Variants in PARP4 observed in about 807,000 individuals in gnomAD.
PARP4 encodes the protein poly(ADP-ribose) polymerase family member 4.
A neutral mutation model predicts 187.7 loss-of-function variants in PARP4; 120 were observed. The observed-to-expected ratio is 0.64, with a 90% CI of 0.55 to 0.74. PARP4 has a LOEUF of 0.74. Among genes scored for constraint, PARP4 ranks in the 30% least tolerant of loss-of-function variants. The probability of loss-of-function intolerance (pLI) is 0.00; values close to 1 mark genes in which losing one functional copy is unlikely to be tolerated. For missense variants in PARP4, 1,836 were observed against 2,070.5 expected (o/e 0.89, Z 2.20); for synonymous variants, 654 against 740.9 (o/e 0.88, Z 1.90).
intron 20 of PARP4, among the ~76,000 whole-genome samples, chr13:24,458,082 G>C (rs529131817): frequency 6.6e-6 from 1 of 151,782 alleles, no homozygotes; most frequent in African/African-American, 2.4e-5. Flanking sequence ...AAAAGCCTGG[G>C]CAACATGGTG....
At chr13:24,504,384 G>A (rs1336194745) in intron 1 of PARP4, among the ~76,000 whole-genome samples, 1 of 131,384 alleles carries the variant, frequency 7.6e-6, no homozygotes, top group Non-Finnish European at 1.5e-5. Context: ...TGCGATCTCA[G>A]CTCACTGCAA....
intron 31 of PARP4, among the ~76,000 whole-genome samples, 193 bp downstream of exon 31, chr13:24,434,202 T>C (rs150455735): frequency 0.017 from 2,605 of 152,342 alleles, 92 homozygotes; most frequent in African/African-American, 0.059. Context: ...CACACTGTTT[T>C]GTTCAGCTGT....
chr13:24,473,130 C>T (rs1249896819), intron 15 of PARP4, among the ~76,000 whole-genome samples: 1 of 152,150 alleles, frequency 6.6e-6, no homozygotes, highest in Non-Finnish European at 1.5e-5. Context: ...CCATGTTCCC[C>T]AGGCTGGTCT....
In PARP4 at chr13:24,494,584, G is replaced by T. The variant is rs200030857; in HGVS notation, c.730C>A (p.Gln244Lys). 1.9e-6 allele frequency: 3 copies of T among 1,606,974 alleles called. No individual in the cohort carries two copies. The East Asian group carries it at 6.7e-5, about 36-fold the overall frequency. The change falls in exon 7 of 34, where the codon CAA (glutamine) becomes AAA (lysine). Residue 244 changes from glutamine (Q) to lysine (K), a missense_variant. Coordinates refer to ENST00000381989, the MANE Select transcript of PARP4 (RefSeq NM_006437.4). ...TPEATQLASE[Q>K]LQALLLEEVM... ...TAAATCAATCTCACTGCTTGCAATT[G>T]TTCAGATGCTAATTGGGTTGCTTCA...
At chr13:24,475,982 T>C (rs1251108179) in intron 14 of PARP4, among the ~76,000 whole-genome samples, 3 of 152,180 alleles carry the variant, frequency 2.0e-5, no homozygotes, top group Non-Finnish European at 4.4e-5. Context: ...AGATGAGGTT[T>C]AGCCATGTTG....
intron 12 of PARP4, among the ~76,000 whole-genome samples, chr13:24,482,933 C>T (rs981089987): frequency 6.6e-6 from 1 of 152,206 alleles, no homozygotes; most frequent in African/African-American, 2.4e-5. Context: ...ATGTAGGACT[C>T]CACCAAAATG....
At chr13:24,472,374 A>G (rs1872762536) in intron 15 of PARP4, among the ~76,000 whole-genome samples, 1 of 152,148 alleles carries the variant, frequency 6.6e-6, no homozygotes, top group East Asian at 1.9e-4. Context: ...GGATGTGTGT[A>G]TGGGTCAGAG....
intron 33 of PARP4, among the ~76,000 whole-genome samples, chr13:24,423,389 A>G (rs1457301231): frequency 6.6e-6 from 1 of 151,806 alleles, no homozygotes; most frequent in Non-Finnish European, 1.5e-5. Flanking sequence ...ACAAATATAA[A>G]AATTAGCTGT....
Position 24,442,662 on chromosome 13 carries a change from A to C in PARP4, c.3471T>G (p.Ser1157=). The change falls in exon 29 of 34, where the codon TCT becomes TCG. Residue 1157 remains serine, a synonymous_variant. Coordinates refer to ENST00000381989, the MANE Select transcript of PARP4 (RefSeq NM_006437.4). ...TTTCTTTACTGAGTTTAATAATCAG[A>C]GATTTCAAGGTTTGTTTTTTCATCT... ...SHEMKKQTLK[S]LIIKLSKENS... The C allele has an allele frequency of 1.3e-6, 2 of 1,591,320 alleles. No individual in the cohort carries two copies. The highest frequency in any genetic ancestry group is 1.7e-6 in the Non-Finnish European group (2 of 1,159,318).
chr13:24,460,275 A>C (rs529190508), intron 17 of PARP4, 139 bp from the exon 18 acceptor site: 36 of 715,310 alleles, frequency 5.0e-5, no homozygotes, highest in Non-Finnish European at 7.8e-5. Context: ...AACCTAAAAG[A>C]CACATTGGTG....
In PARP4 at chr13:24,501,675, G is replaced by C. The variant is rs200245308; in HGVS notation, c.292C>G (p.Leu98Val). 1.2e-6 allele frequency: 2 copies of C among 1,613,460 alleles called. No homozygotes were observed. The highest frequency in any genetic ancestry group is 1.7e-5 in the Admixed American group (1 of 60,000). ...TGATCAGGAGGTGGTGTGATGTCCA[G>C]GGGCTTATAAGGATCATAATTCTTT... The part of the protein sequence containing the change: ...DVKNYDPYKP[L>V]DITPPPDQKA... The change falls in exon 3 of 34, where the codon CTG becomes GTG. Residue 98 changes from leucine (L) to valine (V), a missense_variant. By Grantham distance (32) the Leu-to-Val change is conservative. Transcript: ENST00000381989.
At position 24,494,727 on chromosome 13, in the gene PARP4, G is replaced by T; in HGVS notation, c.592-5C>A. ...TATAGCAAACTGTCTTCTAGTCTGT[G>T]AATTATGGTGTATAGCAAAAGTACA... On this transcript the variant is annotated splice_polypyrimidine_tract_variant and splice_region_variant and intron_variant, in intron 6 of 33. Coordinates refer to ENST00000381989, the MANE Select transcript of PARP4 (RefSeq NM_006437.4). 6.3e-7 allele frequency: 1 copy of T among 1,590,030 alleles called. No individual in the cohort carries two copies. Among genetic ancestry groups the T allele is most frequent in the African/African-American group, 1.4e-5 (1 of 74,012 alleles).
intron 1 of PARP4, among the ~76,000 whole-genome samples, chr13:24,505,143 C>T (rs1384132685): frequency 6.6e-6 from 1 of 151,796 alleles, no homozygotes; most frequent in Non-Finnish European, 1.5e-5. Flanking sequence ...AAGAAAGACA[C>T]ACACACACAC....
At chr13:24,451,845 GGT>G (rs926277476) in intron 24 of PARP4, 1 of 152,704 alleles carries the variant, frequency 6.5e-6, no homozygotes, top group Admixed American at 6.5e-5. Context: ...ACAATGTAGG[GGT>G]GTTAGCCTCT....
At chr13:24,468,942 T>C (rs1281622269) in intron 17 of PARP4, 82 bp downstream of exon 17, 5 of 1,035,500 alleles carry the variant, frequency 4.8e-6, no homozygotes, top group Non-Finnish European at 7.5e-6. Flanking sequence ...TCTTAGCCTC[T>C]AGCATGAAAT....
intron 1 of PARP4, among the ~76,000 whole-genome samples, chr13:24,512,267 T>C (rs1870054751): frequency 6.6e-6 from 1 of 152,238 alleles, no homozygotes; most frequent in African/African-American, 2.4e-5. Context: ...GTGTTCCCAA[T>C]GACTCACGAG....
At chr13:24,442,145 C>A (rs3816233) in intron 29 of PARP4, among the ~76,000 whole-genome samples, 177 bp from the exon 30 acceptor site, 1 of 133,772 alleles carries the variant, frequency 7.5e-6, no homozygotes. Flanking sequence ...TTCCTCTTTA[C>A]GGAGCACTGG....
At chr13:24,498,065 G>T in intron 6 of PARP4, 51 bp downstream of exon 6, 1 of 1,292,328 alleles carries the variant, frequency 7.7e-7, no homozygotes, top group Non-Finnish European at 1.1e-6. Flanking sequence ...ATTGAAATGA[G>T]TTATGAACAG....
intron 1 of PARP4, among the ~76,000 whole-genome samples, chr13:24,512,181 C>T (rs965206753): frequency 6.6e-6 from 1 of 152,176 alleles, no homozygotes; most frequent in Admixed American, 6.5e-5. Context: ...ACCATTCGGC[C>T]CTCCTAGCAG....
Sources: gnomAD v4.1 joint callset for allele counts (sites outside exome capture counted in the v4.1 genomes callset) on GRCh38, gnomAD v4.1.1 for gene constraint, MANE v1.5 for transcripts, NCBI Gene and HGNC (gene_info 2026-07-23, HGNC 2026-07-21) for gene names.